TMEM178B: variants seen among roughly 807,000 people sequenced by gnomAD.
TMEM178B encodes the protein transmembrane protein 178B.
In TMEM178B, 5 loss-of-function variants were observed where a neutral mutation model predicts 31.0. The ratio of observed to expected loss-of-function variants is 0.16; its 90% CI spans 0.08 to 0.34. TMEM178B has a LOEUF of 0.34. Ranked by LOEUF, TMEM178B falls within the 10% of genes least tolerant of loss-of-function variation. The pLI is 1.00. For synonymous variants in TMEM178B, 164 were observed against 164.0 expected (o/e 1.00, Z 0.00); for missense variants, 275 against 400.3 (o/e 0.69, Z 2.67).
intron 2 of TMEM178B, among the ~76,000 whole-genome samples, chr7:141,303,456 T>G (rs1264149940): frequency 6.6e-6 from 1 of 152,202 alleles, no homozygotes; most frequent in Non-Finnish European, 1.5e-5. Context: ...GGCTTCACAT[T>G]GACAGCCAGA....
intron 1 of TMEM178B, among the ~76,000 whole-genome samples, chr7:141,180,067 T>C (rs1230299858): frequency 2.0e-5 from 3 of 152,184 alleles, no homozygotes; most frequent in Non-Finnish European, 4.4e-5. Flanking sequence ...TGGCTGGTGG[T>C]CCATAACTCT....
chr7:141,320,423 C>T (rs12539584), intron 2 of TMEM178B, among the ~76,000 whole-genome samples: 47,450 of 151,928 alleles, frequency 0.31, 9,367 homozygotes, highest in African/African-American at 0.55. Flanking sequence ...GAGCCAACAC[C>T]TGTGACTGAG....
chr7:141,266,909 G>A (rs1360105391), intron 2 of TMEM178B, among the ~76,000 whole-genome samples: 1 of 152,226 alleles, frequency 6.6e-6, no homozygotes, highest in Non-Finnish European at 1.5e-5. Context: ...TTCTGAAGAT[G>A]TGGCTGGCCC....
At chr7:141,105,131 G>C (rs939117234) in intron 1 of TMEM178B, among the ~76,000 whole-genome samples, 1 of 152,264 alleles carries the variant, frequency 6.6e-6, no homozygotes, top group South Asian at 2.1e-4. Flanking sequence ...AAGAGCAGGG[G>C]TCACTGTGGG....
At chr7:141,412,690 G>A (rs1216639333) in intron 2 of TMEM178B, among the ~76,000 whole-genome samples, 1 of 152,206 alleles carries the variant, frequency 6.6e-6, no homozygotes, top group African/African-American at 2.4e-5. Flanking sequence ...AGTGCTCAGC[G>A]GAGCTCGGGG....
At chr7:141,281,098 CTT>C (rs552255281) in intron 2 of TMEM178B, among the ~76,000 whole-genome samples, 1 of 145,944 alleles carries the variant, frequency 6.9e-6, no homozygotes, top group African/African-American at 2.5e-5. Context: ...TGTGAAGGGC[CTT>C]TTTTTTTTGG....
intron 2 of TMEM178B, among the ~76,000 whole-genome samples, chr7:141,243,512 G>A (rs933803900): frequency 2.0e-5 from 3 of 152,068 alleles, no homozygotes; most frequent in Non-Finnish European, 1.5e-5. Context: ...GTCCTCAAAC[G>A]GAGACTGGAG....
chr7:141,450,602 G>A (rs1393937192), intron 3 of TMEM178B, among the ~76,000 whole-genome samples: 2 of 152,150 alleles, frequency 1.3e-5, no homozygotes, highest in African/African-American at 4.8e-5. Context: ...GGGAAAGGGG[G>A]CCATTTATGT....
In TMEM178B at chr7:141,344,574, CCCTTCCTT is replaced by C. The variant is rs34831263; in HGVS notation, c.497-92986_497-92979del. 0.16 allele frequency among the ~76,000 whole-genome samples: 21,825 copies of C among 137,086 alleles called. 1,928 individuals carry two copies. The highest frequency in any genetic ancestry group is 0.22 in the African/African-American group (8,067 of 36,054). The allele number at this position is 137,086 out of a possible 152,430, so 89.9% of individuals were successfully genotyped here. A position where few individuals can be genotyped will look rare whatever the true frequency, so the allele number is the denominator to read the frequency against. The stretch of plus-strand genomic sequence containing the variant: ...CTCCCTCCCTCCATTCCTCCCTCCT[CCCTTCCTT>C]CCTTCCTTCCTTCCTTCCTTCCTTC... On this transcript the variant is annotated intron_variant, in intron 2 of 3. Transcript: ENST00000565468. The surrounding 1 kb of genome is among the most constrained non-coding windows in gnomAD (Gnocchi z 4.1).
intron 1 of TMEM178B, among the ~76,000 whole-genome samples, chr7:141,096,314 G>A (rs1020330297): frequency 6.6e-6 from 1 of 152,180 alleles, no homozygotes; most frequent in African/African-American, 2.4e-5. Context: ...ACTGGGTTCT[G>A]GACAGTGATA....
intron 2 of TMEM178B, among the ~76,000 whole-genome samples, chr7:141,303,992 CA>C (rs1668156193): frequency 6.6e-6 from 1 of 152,158 alleles, no homozygotes; most frequent in Non-Finnish European, 1.5e-5. Flanking sequence ...ACACAGCCAG[CA>C]AATAGTAGAA....
rs542997056 is a variant in TMEM178B, at chr7:141,183,102, G to A, written c.383-29489G>A. On this transcript the variant is annotated intron_variant, in intron 1 of 3. Coordinates refer to ENST00000565468, the MANE Select transcript of TMEM178B (RefSeq NM_001195278.2). ...ATGAATGAAGTGCACTGCCTTAATG[G>A]CTAGTATTCCTGATTATAAAAACAA... Among the ~76,000 whole-genome samples the A allele has an allele frequency of 2.0e-5, 3 of 152,296 alleles. No homozygotes were observed. In the South Asian group the frequency reaches 6.2e-4, roughly 32 times the overall value.
chr7:141,511,290 A>C, the TMEM178B span, among the ~76,000 whole-genome samples: 2 of 5,932 alleles, frequency 3.4e-4, no homozygotes, highest in Non-Finnish European at 6.1e-4. Context: ...GATGTGGCCC[A>C]GAAAGAAGAA....
chr7:141,258,042 A>G (rs7791763), intron 2 of TMEM178B, among the ~76,000 whole-genome samples: 65,831 of 151,494 alleles, frequency 0.43, 14,545 homozygotes, highest in East Asian at 0.67. Flanking sequence ...AGAGTACATT[A>G]TGATCTTCAG....
chr7:141,386,559 A>C (rs1435591062), intron 2 of TMEM178B, among the ~76,000 whole-genome samples: 1 of 152,190 alleles, frequency 6.6e-6, no homozygotes, highest in Admixed American at 6.5e-5. Flanking sequence ...ATAATGATCA[A>C]ATCAAGATAT....
chr7:141,385,484 T>G (rs1800415969), intron 2 of TMEM178B, among the ~76,000 whole-genome samples: 1 of 152,188 alleles, frequency 6.6e-6, no homozygotes, highest in South Asian at 2.1e-4. Flanking sequence ...TCAGAAAACA[T>G]TACATATAAC....
intron 2 of TMEM178B, among the ~76,000 whole-genome samples, chr7:141,391,964 A>G (rs1800550697): frequency 6.6e-6 from 1 of 152,084 alleles, no homozygotes; most frequent in Non-Finnish European, 1.5e-5. Flanking sequence ...CCTTTTGGTT[A>G]TTGTGAATAA....
intron 2 of TMEM178B, among the ~76,000 whole-genome samples, chr7:141,323,244 T>A (rs1348123737): frequency 6.6e-6 from 1 of 152,176 alleles, no homozygotes; most frequent in East Asian, 1.9e-4. Flanking sequence ...AAAGCAAAAA[T>A]CTCCTTAAAT....
downstream of TMEM178B, among the ~76,000 whole-genome samples, chr7:141,482,522 T>C (rs1004607595): frequency 2.6e-5 from 4 of 152,298 alleles, no homozygotes; most frequent in South Asian, 8.3e-4. Flanking sequence ...CAACAGGTGC[T>C]TACTGGTCTG....
Sources: gnomAD v4.1 joint callset for allele counts (sites outside exome capture counted in the v4.1 genomes callset) on GRCh38, gnomAD v4.1.1 for gene constraint, Gnocchi (gnomAD v3.1) non-coding constraint, MANE v1.5 for transcripts, NCBI Gene and HGNC (gene_info 2026-07-23, HGNC 2026-07-21) for gene names.